Variants in GPM6A observed in about 807,000 individuals in gnomAD.
The protein encoded by GPM6A is glycoprotein M6A, also known as neuronal membrane glycoprotein M6-a.
In GPM6A, 7 loss-of-function variants were observed where a neutral mutation model predicts 32.1. The ratio of observed to expected loss-of-function variants is 0.22; its 90% CI spans 0.12 to 0.41. GPM6A has a LOEUF of 0.41. GPM6A is among the 10% of genes least tolerant of loss of function. The pLI is 1.00. For synonymous variants in GPM6A, 130 were observed against 123.4 expected (o/e 1.05, Z -0.35); for missense variants, 235 against 347.2 (o/e 0.68, Z 2.57).
At chr4:175,909,050 G>GGGGGGAA (rs1738230623) in intron 1 of GPM6A, among the ~76,000 whole-genome samples, 1 of 81,584 alleles carries the variant, frequency 1.2e-5, no homozygotes, top group Non-Finnish European at 2.3e-5. Flanking sequence ...GGCGGGGGGG[G>GGGGGGAA]GGCAACTAGC....
intron 1 of GPM6A, among the ~76,000 whole-genome samples, chr4:175,705,434 T>C (rs917860109): frequency 1.3e-5 from 2 of 152,190 alleles, no homozygotes; most frequent in African/African-American, 4.8e-5. Context: ...CATTTCGCAC[T>C]TGTAACGGGC....
intron 1 of GPM6A, among the ~76,000 whole-genome samples, chr4:175,994,393 G>A (rs956188125): frequency 2.0e-5 from 3 of 152,132 alleles, no homozygotes; most frequent in Non-Finnish European, 4.4e-5. Context: ...ATTTGGGGTT[G>A]CATTCTAAAC....
At chr4:175,861,828 C>G (rs1013449990) in intron 1 of GPM6A, among the ~76,000 whole-genome samples, 1 of 149,126 alleles carries the variant, frequency 6.7e-6, no homozygotes, top group African/African-American at 2.5e-5. Flanking sequence ...TTATTTTTCA[C>G]TATCCCTAAT....
intron 1 of GPM6A, among the ~76,000 whole-genome samples, chr4:175,788,378 T>C (rs1246954477): frequency 1.3e-5 from 2 of 152,208 alleles, no homozygotes; most frequent in African/African-American, 4.8e-5. Context: ...AGTCAGTTGT[T>C]TCTCAAAGAA....
intron 1 of GPM6A, among the ~76,000 whole-genome samples, chr4:175,726,242 G>A (rs999502412): frequency 3.3e-5 from 5 of 151,570 alleles, no homozygotes; most frequent in Non-Finnish European, 5.9e-5. Flanking sequence ...CTCGTGATCT[G>A]CCCTCCTCGG....
Position 175,635,050 on chromosome 4 carries a change from T to C in GPM6A, c.692A>G (p.Tyr231Cys). 1.2e-6 allele frequency: 2 copies of C among 1,613,018 alleles called. No homozygotes were observed. Among genetic ancestry groups the C allele is most frequent in the Non-Finnish European group, 1.7e-6 (2 of 1,179,176 alleles). The change falls in exon 7 of 7, where the codon TAC (tyrosine) becomes TGC (cysteine). Residue 231 changes from tyrosine (Y) to cysteine (C), a missense_variant. This residue lies in a region of GPM6A where 107 missense variants were observed against 116.7 expected (regional missense o/e 0.92). Coordinates refer to ENST00000393658, the MANE Select transcript of GPM6A (RefSeq NM_201591.3). ...AGAAVIAMVHYLMVLSANWAY... is the reference protein window; with the variant it reads ...AGAAVIAMVHCLMVLSANWAY... Reference sequence around the variant, plus strand: ...CCAGTTGGCAGACAGAACCATAAGGTAGTGAACCTAATCAAAGAGAAAAAT... The same window carrying C: ...CCAGTTGGCAGACAGAACCATAAGGCAGTGAACCTAATCAAAGAGAAAAAT...
chr4:175,894,194 C>T (rs531818326), intron 1 of GPM6A, among the ~76,000 whole-genome samples: 4 of 151,968 alleles, frequency 2.6e-5, no homozygotes, highest in East Asian at 3.9e-4. Context: ...GATAGCAGAC[C>T]GTCCTCATGT....
At chr4:175,903,908 A>T (rs1469721563) in intron 1 of GPM6A, among the ~76,000 whole-genome samples, 2 of 152,184 alleles carry the variant, frequency 1.3e-5, no homozygotes, top group African/African-American at 4.8e-5. Flanking sequence ...TAGTATCAAT[A>T]TCACACGCCA....
At chr4:175,814,724 CAAAT>C (rs1240901744), upstream of GPM6A, among the ~76,000 whole-genome samples, 8 of 152,128 alleles carry the variant, frequency 5.3e-5, no homozygotes, top group Non-Finnish European at 2.9e-5. Context: ...ATGGACTCGT[CAAAT>C]GAATTAAGAG....
At chr4:175,740,674 G>T (rs889084678) in intron 1 of GPM6A, among the ~76,000 whole-genome samples, 1 of 151,978 alleles carries the variant, frequency 6.6e-6, no homozygotes, top group African/African-American at 2.4e-5. Flanking sequence ...ATAGTTATTA[G>T]ATTAGAAAAT....
chr4:175,747,579 T>A (rs1051867424), intron 1 of GPM6A, among the ~76,000 whole-genome samples: 4 of 152,210 alleles, frequency 2.6e-5, no homozygotes, highest in African/African-American at 9.7e-5. Context: ...CTATAAAATA[T>A]GCAATAGCAT....
At chr4:175,989,392 G>A (rs1310723231) in intron 1 of GPM6A, among the ~76,000 whole-genome samples, 3 of 152,070 alleles carry the variant, frequency 2.0e-5, no homozygotes, top group Non-Finnish European at 4.4e-5. Flanking sequence ...CAAAAGGGAA[G>A]ACATGGAAGA....
At chr4:175,967,250 A>G (rs1740359458) in intron 1 of GPM6A, among the ~76,000 whole-genome samples, 1 of 152,226 alleles carries the variant, frequency 6.6e-6, no homozygotes, top group African/African-American at 2.4e-5. Context: ...CATTAATGAT[A>G]AAAACTTTCA....
At chr4:175,823,144 T>C (rs1356792255) in intron 1 of GPM6A, among the ~76,000 whole-genome samples, 2 of 152,184 alleles carry the variant, frequency 1.3e-5, no homozygotes, top group Non-Finnish European at 1.5e-5. Flanking sequence ...GCTACGCAGC[T>C]GGTGAATGAG....
chr4:175,684,124 C>T lies in GPM6A; in HGVS notation c.231-10288G>A, dbSNP rs530530473. 3.2e-4 allele frequency among the ~76,000 whole-genome samples: 48 copies of T among 152,136 alleles called. 1 individual carries two copies. The highest frequency in any genetic ancestry group is 3.4e-3 in the Middle Eastern group (1 of 294). On this transcript the variant is annotated intron_variant, in intron 2 of 6. Coordinates refer to ENST00000393658, the MANE Select transcript of GPM6A (RefSeq NM_201591.3). ...TATTACAGGCATGAGCCACTGCACC[C>T]GGCCTTACATTTTTTAATATATATA... is the stretch of plus-strand genomic sequence containing the variant.
At chr4:175,933,182 A>C (rs1332448448) in intron 1 of GPM6A, among the ~76,000 whole-genome samples, 1 of 152,166 alleles carries the variant, frequency 6.6e-6, no homozygotes, top group Non-Finnish European at 1.5e-5. Flanking sequence ...TTCAAAAAAA[A>C]ACTCCATTAA....
chr4:175,699,591 T>C (rs1744761823), intron 2 of GPM6A, among the ~76,000 whole-genome samples: 1 of 152,216 alleles, frequency 6.6e-6, no homozygotes, highest in Non-Finnish European at 1.5e-5. Context: ...ATTTTTATAA[T>C]AATTTCACTT....
At chr4:175,749,929 G>T (rs1028314829) in intron 1 of GPM6A, among the ~76,000 whole-genome samples, 13 of 152,100 alleles carry the variant, frequency 8.5e-5, no homozygotes, top group African/African-American at 3.1e-4. Flanking sequence ...ACATCCTCCA[G>T]GTCCTGCCAT....
At chr4:175,665,973 C>A (rs1742729838) in intron 3 of GPM6A, among the ~76,000 whole-genome samples, 2 of 148,940 alleles carry the variant, frequency 1.3e-5, no homozygotes, top group African/African-American at 5.0e-5. Context: ...GGCTGGAGTG[C>A]AATGGCATGA....
Sources: gnomAD v4.1 joint callset for allele counts (sites outside exome capture counted in the v4.1 genomes callset) on GRCh38, gnomAD v4.1.1 for gene constraint, gnomAD v4.1.1 regional missense constraint, MANE v1.5 for transcripts, NCBI Gene and HGNC (gene_info 2026-07-23, HGNC 2026-07-21) for gene names.